PLEKHA7: variants seen among roughly 807,000 people sequenced by gnomAD.
The protein encoded by PLEKHA7 is pleckstrin homology domain containing A7, also known as pleckstrin homology domain-containing family A member 7.
PLEKHA7 carries 104 observed loss-of-function variants against 170.0 expected under a neutral mutation model. That is an observed-to-expected ratio of 0.61 (90% CI 0.52 to 0.72). PLEKHA7 has a LOEUF of 0.72. PLEKHA7 is among the 30% of genes least tolerant of loss of function. PLEKHA7 has a pLI of 0.00. For missense variants in PLEKHA7, 1,615 were observed against 1,671.7 expected (o/e 0.97, Z 0.59); for synonymous variants, 648 against 660.8 (o/e 0.98, Z 0.30).
intron 3 of PLEKHA7, among the ~76,000 whole-genome samples, chr11:17,009,834 G>T (rs1865218673): frequency 6.6e-6 from 1 of 151,782 alleles, no homozygotes; most frequent in Non-Finnish European, 1.5e-5. Flanking sequence ...TCTCCGTGTT[G>T]CCCAGGCTGA....
At chr11:16,877,907 C>T (rs1329826598) in intron 3 of PLEKHA7, among the ~76,000 whole-genome samples, 1 of 152,184 alleles carries the variant, frequency 6.6e-6, no homozygotes, top group Admixed American at 6.5e-5. Context: ...ATGAAAGAAC[C>T]TTGCCAAATG....
At chr11:16,952,346 A>C (rs1211605622) in intron 3 of PLEKHA7, among the ~76,000 whole-genome samples, 5 of 152,188 alleles carry the variant, frequency 3.3e-5, no homozygotes, top group African/African-American at 1.2e-4. Context: ...GGCAAAACTC[A>C]AGCAGCCATA....
At chr11:16,974,613 A>C in intron 3 of PLEKHA7, 1 of 499,106 alleles carries the variant, frequency 2.0e-6, no homozygotes, top group Non-Finnish European at 2.9e-6. Flanking sequence ...CAGACCTCAC[A>C]GAGATTTCAC....
intron 4 of PLEKHA7, among the ~76,000 whole-genome samples, chr11:16,861,395 G>A (rs1276246303): frequency 6.6e-6 from 1 of 151,900 alleles, no homozygotes; most frequent in African/African-American, 2.4e-5. Context: ...TAGGCGCAGT[G>A]GCTTACACCA....
At chr11:16,786,673 C>T in intron 23 of PLEKHA7, 1 of 985,384 alleles carries the variant, frequency 1.0e-6, no homozygotes, top group Non-Finnish European at 1.2e-6. Context: ...AAATAGAAGG[C>T]TCCCAGAGAG....
At chr11:16,928,799 T>C (rs1590644117) in intron 3 of PLEKHA7, among the ~76,000 whole-genome samples, 2 of 152,200 alleles carry the variant, frequency 1.3e-5, no homozygotes, top group East Asian at 3.9e-4. Context: ...TTAGTGTGCA[T>C]AAAAATTACT....
chr11:16,990,664 C>G (rs1383983784), intron 3 of PLEKHA7, among the ~76,000 whole-genome samples: 1 of 152,234 alleles, frequency 6.6e-6, no homozygotes, highest in Admixed American at 6.5e-5. Context: ...TAAAAGTTCC[C>G]TGGAAATGTG....
At chr11:16,806,109 A>G (rs1481032111) in intron 13 of PLEKHA7, among the ~76,000 whole-genome samples, 2 of 152,192 alleles carry the variant, frequency 1.3e-5, no homozygotes, top group Non-Finnish European at 2.9e-5. Flanking sequence ...GGCCTAGCAT[A>G]TTGAAGAAAT....
At chr11:16,864,253 T>C (rs1352636550) in intron 4 of PLEKHA7, among the ~76,000 whole-genome samples, 3 of 152,298 alleles carry the variant, frequency 2.0e-5, no homozygotes, top group South Asian at 2.1e-4. Context: ...ATGATAATAA[T>C]GGTATCTTCC....
chr11:16,997,452 A>G (rs1864407741), intron 3 of PLEKHA7, among the ~76,000 whole-genome samples: 1 of 152,174 alleles, frequency 6.6e-6, no homozygotes, highest in Non-Finnish European at 1.5e-5. Flanking sequence ...TTCCATCTCT[A>G]GAGGGAGTCA....
chr11:16,831,770 T>C (rs948513927), intron 9 of PLEKHA7, among the ~76,000 whole-genome samples: 3 of 152,236 alleles, frequency 2.0e-5, no homozygotes, highest in South Asian at 2.1e-4. Context: ...TAACAGTGTC[T>C]CCTTGGGTTG....
intron 3 of PLEKHA7, among the ~76,000 whole-genome samples, chr11:16,955,919 A>C (rs1037226434): frequency 2.0e-5 from 3 of 152,218 alleles, no homozygotes; most frequent in African/African-American, 4.8e-5. Context: ...GGGGTGTGCC[A>C]GTAGTCCCAG....
intron 4 of PLEKHA7, among the ~76,000 whole-genome samples, chr11:16,864,445 G>A (rs1854221624): frequency 6.6e-6 from 1 of 152,106 alleles, no homozygotes. Context: ...TAATGTTAAA[G>A]AGGAAATTCT....
intron 10 of PLEKHA7, among the ~76,000 whole-genome samples, chr11:16,821,533 A>T (rs376781166): frequency 6.6e-6 from 1 of 152,222 alleles, no homozygotes; most frequent in South Asian, 2.1e-4. Context: ...ACAGGATCAT[A>T]TTGCAGTTCA....
chr11:16,879,388 C>G (rs1260975929), intron 3 of PLEKHA7, among the ~76,000 whole-genome samples: 1 of 152,134 alleles, frequency 6.6e-6, no homozygotes, highest in African/African-American at 2.4e-5. Context: ...CTGTGCAGAA[C>G]CGATGTCATT....
At chr11:16,865,321 G>A (rs1424891501) in intron 4 of PLEKHA7, among the ~76,000 whole-genome samples, 1 of 152,198 alleles carries the variant, frequency 6.6e-6, no homozygotes, top group Non-Finnish European at 1.5e-5. Flanking sequence ...ACTGGCTTGG[G>A]AAGTGTCCCC....
At chr11:16,977,482 C>T (rs11024097) in intron 3 of PLEKHA7, among the ~76,000 whole-genome samples, 43,197 of 152,098 alleles carry the variant, frequency 0.28, 7,450 homozygotes, top group East Asian at 0.61. Flanking sequence ...TTTATCCCTC[C>T]CGATCCCCTG....
At chr11:16,782,363 C>G (rs1474855735) in intron 26 of PLEKHA7, among the ~76,000 whole-genome samples, 2 of 152,142 alleles carry the variant, frequency 1.3e-5, no homozygotes, top group Admixed American at 1.3e-4. Flanking sequence ...AGCAAGAAAT[C>G]CAAGCATCAA....
intron 24 of PLEKHA7, among the ~76,000 whole-genome samples, chr11:16,785,739 T>C (rs1849351931): frequency 6.6e-6 from 1 of 152,158 alleles, no homozygotes; most frequent in African/African-American, 2.4e-5. Context: ...CTCTGCACTG[T>C]CTCCTAGCTT....
Sources: allele counts gnomAD v4.1 joint callset (sites outside exome capture counted in the v4.1 genomes callset), GRCh38; gene constraint gnomAD v4.1.1; transcripts MANE v1.5; gene names NCBI Gene and HGNC (gene_info 2026-07-23, HGNC 2026-07-21).